The following PARVB variants were observed in gnomAD, a reference collection of about 807,000 sequenced individuals.
PARVB encodes parvin beta.
PARVB carries 46 observed loss-of-function variants against 47.0 expected under a neutral mutation model. The observed-to-expected ratio is 0.98, with a 90% CI of 0.77 to 1.25. The LOEUF (loss-of-function observed/expected upper bound fraction) is 1.25, where lower values mean the gene tolerates loss of function less well. Among genes scored for constraint, PARVB ranks in the 50% most tolerant of loss-of-function variants. PARVB has a pLI of 0.00. For missense variants in PARVB, 473 were observed against 471.6 expected (o/e 1.00, Z -0.03); for synonymous variants, 196 against 196.3 (o/e 1.00, Z 0.01).
chr22:44,070,866 T>G (rs772627971), intron 1 of PARVB, among the ~76,000 whole-genome samples: 3 of 152,208 alleles, frequency 2.0e-5, no homozygotes, highest in Non-Finnish European at 4.4e-5. Context: ...AGGTACCAGA[T>G]TCTCTTCACT....
intron 1 of PARVB, among the ~76,000 whole-genome samples, chr22:44,074,283 C>T (rs898664194): frequency 1.3e-4 from 20 of 152,308 alleles, no homozygotes; most frequent in Admixed American, 4.6e-4. Context: ...GTTGCCTGCA[C>T]GACGGCCTGG....
At chr22:44,028,709 G>T (rs2050774112) in intron 1 of PARVB, among the ~76,000 whole-genome samples, 1 of 152,220 alleles carries the variant, frequency 6.6e-6, no homozygotes, top group Non-Finnish European at 1.5e-5. Context: ...GGAAGAAACT[G>T]CCAAACTCTC....
In PARVB at chr22:44,169,186, G is replaced by A. The variant is rs150916975; in HGVS notation, c.*508G>A. 2.3e-3 allele frequency: 339 copies of A among 150,510 alleles called. 4 individuals carry two copies. Among genetic ancestry groups the A allele is most frequent in the Non-Finnish European group, 3.2e-3 (217 of 68,792 alleles). The allele number at this position is 150,510 out of a possible 1,614,324, so 9.3% of individuals were successfully genotyped here. On this transcript the variant is annotated 3_prime_UTR_variant, in exon 13 of 13. Coordinates refer to ENST00000338758, the MANE Select transcript of PARVB (RefSeq NM_013327.5). The stretch of plus-strand genomic sequence containing the variant: ...TGGGCTGGGCTCTCCTTGGAAGTGA[G>A]GCCTTTTATTAAAAATAAAAGGGTT...
At chr22:44,165,753 C>T (rs1047789478) in intron 12 of PARVB, among the ~76,000 whole-genome samples, 1 of 152,228 alleles carries the variant, frequency 6.6e-6, no homozygotes, top group African/African-American at 2.4e-5. Flanking sequence ...CCAGCAGGGC[C>T]CACGGGCAGT....
intron 8 of PARVB, chr22:44,142,867 T>A (rs532408755): frequency 2.0e-5 from 3 of 152,398 alleles, no homozygotes; most frequent in South Asian, 4.1e-4. Context: ...TTGCTGCTTC[T>A]GCTGACGCAG....
intron 1 of PARVB, among the ~76,000 whole-genome samples, chr22:44,059,039 CTTTT>C (rs11296450): frequency 2.3e-4 from 17 of 73,052 alleles, no homozygotes; most frequent in Admixed American, 3.5e-4. Flanking sequence ...CACCCTGTGG[CTTTT>C]TTTTTTTTTT....
chr22:44,158,273 G>A (rs530504618), intron 11 of PARVB, among the ~76,000 whole-genome samples, 190 bp downstream of exon 11: 1 of 152,302 alleles, frequency 6.6e-6, no homozygotes, highest in African/African-American at 2.4e-5. Flanking sequence ...CGTCCACAAC[G>A]CATCCGAGTT....
chr22:44,147,363 G>A (rs1327094338), intron 8 of PARVB: 2 of 283,648 alleles, frequency 7.1e-6, no homozygotes, highest in East Asian at 1.6e-4. Flanking sequence ...CTGCCTGCTG[G>A]GGAGAAGGGC....
intron 2 of PARVB, among the ~76,000 whole-genome samples, chr22:44,014,833 A>G (rs2146857851): frequency 6.6e-6 from 1 of 150,562 alleles, no homozygotes; most frequent in Admixed American, 6.8e-5. Flanking sequence ...AGACAAAAAA[A>G]TCATTACAAC....
intron 7 of PARVB, among the ~76,000 whole-genome samples, chr22:44,137,402 A>G (rs1387976841): frequency 6.6e-6 from 1 of 152,240 alleles, no homozygotes; most frequent in Non-Finnish European, 1.5e-5. Flanking sequence ...TGCCCAGCAC[A>G]GTGGGCCTTT....
At chr22:44,003,972 T>G (rs769842554) in intron 2 of PARVB, among the ~76,000 whole-genome samples, 2 of 152,164 alleles carry the variant, frequency 1.3e-5, no homozygotes, top group African/African-American at 4.8e-5. Context: ...ACTCCCCTTC[T>G]CCAGGGAGCC....
At chr22:44,031,929 T>A (rs762088046) in intron 1 of PARVB, among the ~76,000 whole-genome samples, 35 of 152,176 alleles carry the variant, frequency 2.3e-4, no homozygotes, top group Non-Finnish European at 4.1e-4. Context: ...ACATACCCTA[T>A]GAAAATGTCT....
intron 2 of PARVB, among the ~76,000 whole-genome samples, chr22:44,096,332 A>G (rs2052306951): frequency 1.3e-5 from 2 of 152,198 alleles, no homozygotes; most frequent in Admixed American, 1.3e-4. Context: ...GAAGAAGTTG[A>G]GGCTACAGTG....
At chr22:44,158,212 A>C in intron 11 of PARVB, 129 bp downstream of exon 11, 1 of 625,914 alleles carries the variant, frequency 1.6e-6, no homozygotes, top group Non-Finnish European at 2.8e-6. Context: ...TGCACAAGTG[A>C]TATTGCAATT....
chr22:44,023,537 C>CAAAACAAAATTAAAAT (rs1416034853), upstream of PARVB, among the ~76,000 whole-genome samples: 667 of 127,390 alleles, frequency 5.2e-3, 17 homozygotes, highest in African/African-American at 0.018. Context: ...TAAAACAAAA[C>CAAAACAAAATTAAAAT]AAAATAAAAT....
At chr22:44,039,217 A>C (rs573274720) in intron 1 of PARVB, among the ~76,000 whole-genome samples, 1 of 152,298 alleles carries the variant, frequency 6.6e-6, no homozygotes, top group Non-Finnish European at 1.5e-5. Flanking sequence ...CCTATGACCC[A>C]GCAATTCCAG....
intron 10 of PARVB, chr22:44,152,610 C>CT (rs2053834920): frequency 6.6e-6 from 1 of 152,248 alleles, no homozygotes; most frequent in Non-Finnish European, 1.5e-5. Flanking sequence ...AAATGTCCCC[C>CT]TGGTAGGTAT....
chr22:43,999,751 TG>T (rs995331180), intron 2 of PARVB: 6 of 983,218 alleles, frequency 6.1e-6, no homozygotes, highest in Non-Finnish European at 9.3e-6. Context: ...CCTAGCACTT[TG>T]GGAGGCTGAG....
Position 44,168,450 on chromosome 22 carries a change from C to T in PARVB, c.1019-152C>T, listed in dbSNP as rs112818724. ...GTGTCTGGGGAGGCACTGCCCAGAG[C>T]GTCCTGGACATGGTGGTGGCCAGTC... On this transcript the variant is annotated intron_variant, in intron 12 of 12. Transcript: ENST00000338758. The T allele has an allele frequency of 1.3e-3, 803 of 620,782 alleles. 6 individuals carry two copies. Among genetic ancestry groups the T allele is most frequent in the African/African-American group, 0.012 (671 of 54,630 alleles). The allele number at this position is 620,782 out of a possible 1,614,324, so 38.5% of individuals were successfully genotyped here. A position where few individuals can be genotyped will look rare whatever the true frequency, so the allele number is the denominator to read the frequency against.
Sources: allele counts gnomAD v4.1 joint callset (sites outside exome capture counted in the v4.1 genomes callset), GRCh38; gene constraint gnomAD v4.1.1; transcripts MANE v1.5; gene names NCBI Gene and HGNC (gene_info 2026-07-23, HGNC 2026-07-21).